Variants in TLN2 observed in about 807,000 individuals in gnomAD.
TLN2 encodes talin-2.
A neutral mutation model predicts 294.7 loss-of-function variants in TLN2; 118 were observed. The ratio of observed to expected loss-of-function variants is 0.40; its 90% CI spans 0.34 to 0.47. The LOEUF is 0.47. Ranked by LOEUF, TLN2 falls within the 20% of genes least tolerant of loss-of-function variation. TLN2 has a pLI of 0.84. For synonymous variants in TLN2, 1,431 were observed against 1,304.5 expected (o/e 1.10, Z -2.09); for missense variants, 3,083 against 3,282.2 (o/e 0.94, Z 1.48).
At position 62,836,092 on chromosome 15, in the gene TLN2, G is replaced by T; in HGVS notation, c.7374+19G>T. ...GCTACAGGTAATGGTCACTGATGCT[G>T]GTGGGAAAATACTCCTGTTGGAGCG... On this transcript the variant is annotated intron_variant, in intron 57 of 58. Transcript: ENST00000636159. 1 of 1,596,688 alleles carries T rather than the reference G, an allele frequency of 6.3e-7. No homozygotes were observed. The highest frequency in any genetic ancestry group is 1.3e-5 in the African/African-American group (1 of 74,814).
chr15:62,492,934 G>A (rs1037914345), intron 1 of TLN2, among the ~76,000 whole-genome samples: 3 of 152,186 alleles, frequency 2.0e-5, no homozygotes, highest in Non-Finnish European at 4.4e-5. Flanking sequence ...GGACGTTCTG[G>A]CTACTCTTCC....
rs139510341 is a variant in TLN2, at chr15:62,550,788, T to C, written c.-237-38899T>C. On this transcript the variant is annotated intron_variant, in intron 1 of 58. Transcript: ENST00000636159. ...TGCTTGGAGTTCCCCATCTCATGGA[T>C]GGTGTACTGTAGACTAGAGGTCCCC... Among the ~76,000 whole-genome samples the C allele has an allele frequency of 6.4e-4, 98 of 152,312 alleles. 1 individual carries two copies. The highest frequency in any genetic ancestry group is 2.3e-3 in the African/African-American group (97 of 41,572).
At chr15:62,599,963 T>C (rs1453752008) in intron 2 of TLN2, among the ~76,000 whole-genome samples, 1 of 152,156 alleles carries the variant, frequency 6.6e-6, no homozygotes, top group Admixed American at 6.5e-5. Flanking sequence ...TGTTTACATG[T>C]TTCCAAAAAC....
chr15:62,493,696 C>T lies in TLN2; in HGVS notation c.-237-95991C>T, dbSNP rs775029721. 3.2e-4 allele frequency among the ~76,000 whole-genome samples: 49 copies of T among 151,746 alleles called. 1 individual carries two copies. The highest frequency in any genetic ancestry group is 5.9e-4 in the East Asian group (3 of 5,128). On this transcript the variant is annotated intron_variant, in intron 1 of 58. Coordinates refer to ENST00000636159, the MANE Select transcript of TLN2 (RefSeq NM_015059.3). The stretch of plus-strand genomic sequence containing the variant: ...CACAATCTTGGCTCACTGTAGCTTC[C>T]GCCTCCCGGGTTCAAGCGATTCTCC...
chr15:62,465,738 A>T (rs1246659270), intron 1 of TLN2, among the ~76,000 whole-genome samples: 1 of 152,206 alleles, frequency 6.6e-6, no homozygotes, highest in Non-Finnish European at 1.5e-5. Context: ...AAAATGGAAA[A>T]TTCTTACATG....
chr15:62,653,949 A>T (rs1361308676), intron 7 of TLN2, among the ~76,000 whole-genome samples: 2 of 152,136 alleles, frequency 1.3e-5, no homozygotes, highest in African/African-American at 4.8e-5. Flanking sequence ...TTTTTTGACT[A>T]ATACTAATGA....
In TLN2 at chr15:62,822,033, G is replaced by A. The variant is rs753475882; in HGVS notation, c.7002+1423G>A. Among the ~76,000 whole-genome samples the A allele has an allele frequency of 4.6e-4, 70 of 152,172 alleles. 1 individual carries two copies. Among genetic ancestry groups the A allele is most frequent in the Non-Finnish European group, 9.3e-4 (63 of 68,042 alleles). On this transcript the variant is annotated intron_variant, in intron 54 of 58. Coordinates refer to ENST00000636159, the MANE Select transcript of TLN2 (RefSeq NM_015059.3). ...CAGTTGACACATTCGTTCTCCTGGA[G>A]AATTAGCCTGGTGCTAATTTAACAT...
chr15:62,443,231 T>C (rs2035642898), intron 1 of TLN2, among the ~76,000 whole-genome samples: 1 of 152,238 alleles, frequency 6.6e-6, no homozygotes. Context: ...AATTTTAATA[T>C]TAAATTTGTT....
Position 62,800,781 on chromosome 15 carries a change from G to T in TLN2, c.6477+12G>T, listed in dbSNP as rs1343672847. 1.9e-6 allele frequency: 3 copies of T among 1,603,282 alleles called. No individual in the cohort carries two copies. Among genetic ancestry groups the T allele is most frequent in the Non-Finnish European group, 2.6e-6 (3 of 1,174,002 alleles). On this transcript the variant is annotated intron_variant, in intron 50 of 58. Transcript: ENST00000636159. ...AGCAGGAGCTTACGGTAAGGAGCCAGCAGTTACCTCCCTTGGGTACCAGAG... is the reference window on the plus strand; with the variant it reads ...AGCAGGAGCTTACGGTAAGGAGCCATCAGTTACCTCCCTTGGGTACCAGAG...
chr15:62,481,591 G>T (rs564052565), intron 1 of TLN2, among the ~76,000 whole-genome samples: 2 of 152,076 alleles, frequency 1.3e-5, no homozygotes, highest in East Asian at 1.9e-4. Flanking sequence ...AGAACTCTGG[G>T]CTCACACGAT....
chr15:62,787,132 G>A lies in TLN2; in HGVS notation c.5736+3242G>A, dbSNP rs533117169. 3.9e-4 allele frequency among the ~76,000 whole-genome samples: 59 copies of A among 152,256 alleles called. 2 individuals are homozygous for A. In the South Asian group the frequency reaches 0.011, roughly 29 times the overall value. On this transcript the variant is annotated intron_variant, in intron 45 of 58. Coordinates refer to ENST00000636159, the MANE Select transcript of TLN2 (RefSeq NM_015059.3). The stretch of plus-strand genomic sequence containing the variant: ...GCTGGTCTCAACCTCCTGGACTCAA[G>A]CCATCCACCTGCCTCAGCCTCCCAA...
intron 41 of TLN2, among the ~76,000 whole-genome samples, chr15:62,768,119 G>A (rs1161996934): frequency 3.3e-5 from 5 of 152,180 alleles, no homozygotes; most frequent in Non-Finnish European, 1.5e-5. Flanking sequence ...CAGTGCTCGT[G>A]TGGGGCCCCA....
chr15:62,665,070 TTTG>T (rs531457039), intron 9 of TLN2, among the ~76,000 whole-genome samples: 13 of 151,780 alleles, frequency 8.6e-5, no homozygotes, highest in African/African-American at 2.2e-4. Flanking sequence ...CTCAACTATT[TTTG>T]TTGTTGTTGT....
rs2052626123 is a variant in TLN2, at chr15:62,651,856, T to G, written c.235-149T>G. On this transcript the variant is annotated intron_variant, in intron 5 of 58. Transcript: ENST00000636159. ...GTAGTGGCAACAATCCCCTGAAAAC[T>G]TTGAAAGGTTTTCAAAGATGTTTTA... is the stretch of plus-strand genomic sequence containing the variant. 4.0e-6 allele frequency: 4 copies of G among 995,588 alleles called. No individual in the cohort carries two copies. In the East Asian group the frequency reaches 1.1e-4, roughly 26 times the overall value. The allele number at this position is 995,588 out of a possible 1,614,324, so 61.7% of individuals were successfully genotyped here. A position where few individuals can be genotyped will look rare whatever the true frequency, so the allele number is the denominator to read the frequency against.
intron 1 of TLN2, among the ~76,000 whole-genome samples, chr15:62,456,680 C>T (rs2140331122): frequency 6.6e-6 from 1 of 152,062 alleles, no homozygotes; most frequent in South Asian, 2.1e-4. Context: ...TTTTAGATTC[C>T]CAGTGTTGAG....
At chr15:62,477,602 G>A (rs973714452) in intron 1 of TLN2, among the ~76,000 whole-genome samples, 3 of 152,104 alleles carry the variant, frequency 2.0e-5, no homozygotes, top group African/African-American at 7.2e-5. Flanking sequence ...CATTCACTTG[G>A]TGGAATCCTA....
In TLN2 at chr15:62,675,159, C is replaced by T. The variant is rs561266785; in HGVS notation, c.853-58C>T. On this transcript the variant is annotated intron_variant, in intron 10 of 58. Transcript: ENST00000636159. The stretch of plus-strand genomic sequence containing the variant: ...ACCACATACAGTAACTACCTCTCTC[C>T]AAGTCCACCTGCTGGCAGAGATGCA... 1.8e-4 allele frequency: 281 copies of T among 1,535,960 alleles called. 6 individuals carry two copies. The South Asian group carries it at 3.0e-3, about 16-fold the overall frequency.
chr15:62,614,047 T>C (rs1469294702), intron 2 of TLN2, among the ~76,000 whole-genome samples: 2 of 152,162 alleles, frequency 1.3e-5, no homozygotes, highest in Non-Finnish European at 1.5e-5. Flanking sequence ...ATCATCGTGA[T>C]TGTCAGGATT....
Position 62,755,589 on chromosome 15 carries a change from C to T in TLN2, c.4534C>T (p.Arg1512Cys), listed in dbSNP as rs910259112. 2 of 1,614,204 alleles carry T rather than the reference C, an allele frequency of 1.2e-6. No individual in the cohort carries two copies. The highest frequency in any genetic ancestry group is 1.7e-6 in the Non-Finnish European group (2 of 1,180,020). ...CACGTCAGCCTTGTGCAATGCCTGC[C>T]GCATCGCCTCATCCAAGACGGCCAA... ...KHTSALCNAC[R>C]IASSKTANPV... The change falls in exon 37 of 59, where the codon CGC becomes TGC. Residue 1512 changes from arginine (R) to cysteine (C), a missense_variant. By Grantham distance (180) the Arg-to-Cys change is radical. Coordinates refer to ENST00000636159, the MANE Select transcript of TLN2 (RefSeq NM_015059.3).
Sources: allele counts gnomAD v4.1 joint callset (sites outside exome capture counted in the v4.1 genomes callset), GRCh38; gene constraint gnomAD v4.1.1; transcripts MANE v1.5; gene names NCBI Gene and HGNC (gene_info 2026-07-23, HGNC 2026-07-21).